The following RTN4 variants were observed in gnomAD, a reference collection of about 807,000 sequenced individuals.
RTN4 encodes the protein reticulon-4.
A neutral mutation model predicts 90.4 loss-of-function variants in RTN4; 32 were observed. That is an observed-to-expected ratio of 0.35 (90% CI 0.27 to 0.48). The LOEUF (loss-of-function observed/expected upper bound fraction) is 0.48. RTN4 is among the 20% of genes least tolerant of loss of function. The pLI, the probability that RTN4 is intolerant of heterozygous loss-of-function variation, is 0.99. For synonymous variants in RTN4, 629 were observed against 552.5 expected (o/e 1.14, Z -1.94); for missense variants, 1,706 against 1,430.2 (o/e 1.19, Z -3.11).
chr2:54,999,685 TATAATA>T (rs757651382), intron 3 of RTN4, among the ~76,000 whole-genome samples: 10 of 152,176 alleles, frequency 6.6e-5, no homozygotes, highest in Non-Finnish European at 1.5e-4. Context: ...CAACCATGTT[TATAATA>T]ATAAGTAATT....
chr2:55,100,936 C>T (rs2968812), intron 1 of RTN4, among the ~76,000 whole-genome samples: 148,979 of 151,798 alleles, frequency 0.98, 73,141 homozygotes, highest in African/African-American at 0.99. Flanking sequence ...TTACTTGACA[C>T]TTAAAACACT....
At position 55,021,286 on chromosome 2, in the gene RTN4, A is replaced by G. The variant is rs553667361; in HGVS notation, c.3013+3800T>C. Among the ~76,000 whole-genome samples the G allele has an allele frequency of 1.6e-4, 24 of 152,160 alleles. 1 individual carries two copies. In the South Asian group the frequency reaches 1.7e-3, roughly 11 times the overall value. Reference sequence around the variant, plus strand: ...ACAGGTAAGTACCTATCCTCACTATAACATAGATCACAATGTTTAACTATG... The same window carrying G: ...ACAGGTAAGTACCTATCCTCACTATGACATAGATCACAATGTTTAACTATG... On this transcript the variant is annotated intron_variant, in intron 3 of 8. Coordinates refer to ENST00000337526, the MANE Select transcript of RTN4 (RefSeq NM_020532.5).
At chr2:55,006,463 G>A (rs932795411) in intron 3 of RTN4, among the ~76,000 whole-genome samples, 4 of 152,028 alleles carry the variant, frequency 2.6e-5, no homozygotes, top group African/African-American at 9.7e-5. Flanking sequence ...TTTATTCAAG[G>A]CTTTCAAAAA....
the RTN4 span, among the ~76,000 whole-genome samples, chr2:55,122,590 A>C: frequency 0.13 from 19,817 of 152,258 alleles, 1,655 homozygotes; most frequent in African/African-American, 0.23. Context: ...GCAGGAAGAT[A>C]AGCTGGCAGC....
intron 6 of RTN4, 185 bp from the exon 7 acceptor site, chr2:54,974,052 T>C (rs1677391681): frequency 1.8e-6 from 1 of 547,248 alleles, no homozygotes; most frequent in Non-Finnish European, 3.2e-6. Flanking sequence ...GAATGAACTG[T>C]GTGAGGCTGC....
rs113537071 is a variant in RTN4 at position 55,005,220 on chromosome 2, C to T, written c.3014-17522G>A. 6.5e-3 allele frequency among the ~76,000 whole-genome samples: 984 copies of T among 152,186 alleles called. 9 individuals are homozygous for T. The highest frequency in any genetic ancestry group is 0.022 in the African/African-American group (921 of 41,512). On this transcript the variant is annotated intron_variant, in intron 3 of 8. Transcript: ENST00000337526. ...CTTAAGTGCCATGATTAGAGTTGCA[C>T]TTTGGAAGAGTAATTTTAATTTCGC...
chr2:55,026,890 A>T lies in RTN4; in HGVS notation c.1209T>A (p.Ser403Arg). ...TTTTACCTCCAGCAGCCAACATATCACTATCTTCCTTACTATCTTTCACTT... is the reference window on the plus strand; with the variant it reads ...TTTTACCTCCAGCAGCCAACATATCTCTATCTTCCTTACTATCTTTCACTT... ...VWEVKDSKED[S>R]DMLAAGGKIE... The change falls in exon 3 of 9, where the codon AGT (serine) becomes AGA (arginine). Residue 403 changes from serine to arginine, a missense_variant. Coordinates refer to ENST00000337526, the MANE Select transcript of RTN4 (RefSeq NM_020532.5). 1 of 1,613,782 alleles carries T rather than the reference A, an allele frequency of 6.2e-7. No individual in the cohort carries two copies.
the RTN4 span, among the ~76,000 whole-genome samples, chr2:55,122,786 G>C: frequency 2.8e-4 from 43 of 152,190 alleles, no homozygotes; most frequent in African/African-American, 8.7e-4. Context: ...ACAGAGATGG[G>C]AGACCTGCAC....
At chr2:55,048,220 T>G (rs1291398245) in intron 1 of RTN4, among the ~76,000 whole-genome samples, 1 of 152,208 alleles carries the variant, frequency 6.6e-6, no homozygotes, top group East Asian at 1.9e-4. Flanking sequence ...GAACAGAGCT[T>G]GCCAGCCTGG....
intron 1 of RTN4, among the ~76,000 whole-genome samples, chr2:55,102,843 G>A (rs1331601162): frequency 1.3e-5 from 2 of 152,128 alleles, no homozygotes; most frequent in African/African-American, 4.8e-5. Context: ...TCGTGGCCGG[G>A]TGCGGTGGCT....
At chr2:54,985,522 C>T (rs924993940) in intron 4 of RTN4, among the ~76,000 whole-genome samples, 7 of 152,108 alleles carry the variant, frequency 4.6e-5, no homozygotes, top group Admixed American at 4.6e-4. Flanking sequence ...CCCATCACCC[C>T]ATAAAATGGA....
At chr2:55,048,401 CT>C (rs1376336303) in intron 1 of RTN4, among the ~76,000 whole-genome samples, 2 of 152,122 alleles carry the variant, frequency 1.3e-5, no homozygotes, top group Non-Finnish European at 2.9e-5. Context: ...ATTTTATAAA[CT>C]TTTTGGCTCT....
At chr2:55,006,762 T>C (rs1680256463) in intron 3 of RTN4, among the ~76,000 whole-genome samples, 1 of 152,138 alleles carries the variant, frequency 6.6e-6, no homozygotes, top group Non-Finnish European at 1.5e-5. Flanking sequence ...AACCAGCTTC[T>C]CTAAGTATTT....
At chr2:55,039,985 G>C (rs1682963361) in intron 1 of RTN4, among the ~76,000 whole-genome samples, 1 of 152,160 alleles carries the variant, frequency 6.6e-6, no homozygotes, top group African/African-American at 2.4e-5. Context: ...ACAAGAGTAA[G>C]TTTGGTTGAT....
chr2:54,997,945 C>A (rs141279801), intron 3 of RTN4, among the ~76,000 whole-genome samples: 254 of 152,172 alleles, frequency 1.7e-3, no homozygotes, highest in Middle Eastern at 0.01. Context: ...AGGGTTCAGT[C>A]CTATCTGCAG....
At chr2:54,980,615 T>C (rs1027364948) in intron 5 of RTN4, among the ~76,000 whole-genome samples, 6 of 151,204 alleles carry the variant, frequency 4.0e-5, no homozygotes, top group African/African-American at 7.2e-5. Flanking sequence ...GCCGTGTTTA[T>C]TGAATCTATA....
intron 2 of RTN4, among the ~76,000 whole-genome samples, chr2:55,078,828 G>A (rs944998898): frequency 1.3e-5 from 2 of 152,150 alleles, no homozygotes; most frequent in African/African-American, 2.4e-5. Flanking sequence ...TTGAATATGT[G>A]GGTGTTTGTG....
chr2:55,122,771 C>T, the RTN4 span, among the ~76,000 whole-genome samples: 1 of 152,194 alleles, frequency 6.6e-6, no homozygotes, highest in Non-Finnish European at 1.5e-5. Flanking sequence ...CATGGAAGCA[C>T]AAGGACAGAG....
intron 3 of RTN4, among the ~76,000 whole-genome samples, chr2:55,002,038 A>G (rs1679884971): frequency 1.3e-5 from 2 of 151,270 alleles, no homozygotes; most frequent in African/African-American, 2.4e-5. Context: ...GATAAAGTCA[A>G]TCAAATCTTA....
Sources: gnomAD v4.1 joint callset for allele counts (sites outside exome capture counted in the v4.1 genomes callset) on GRCh38, gnomAD v4.1.1 for gene constraint, MANE v1.5 for transcripts, NCBI Gene and HGNC (gene_info 2026-07-23, HGNC 2026-07-21) for gene names.